The following EXOC6B variants were observed in gnomAD, a reference collection of about 807,000 sequenced individuals.
EXOC6B encodes SEC15 homolog B.
A neutral mutation model predicts 113.5 loss-of-function variants in EXOC6B; 54 were observed. The ratio of observed to expected loss-of-function variants is 0.48; its 90% CI spans 0.38 to 0.60. EXOC6B has a LOEUF of 0.60. EXOC6B is among the 20% of genes least tolerant of loss of function. EXOC6B has a pLI of 0.00. For synonymous variants in EXOC6B, 357 were observed against 339.0 expected (o/e 1.05, Z -0.58); for missense variants, 797 against 977.5 (o/e 0.82, Z 2.46).
intron 18 of EXOC6B, among the ~76,000 whole-genome samples, chr2:72,395,439 G>C (rs553186476): frequency 6.6e-6 from 1 of 152,186 alleles, no homozygotes; most frequent in Admixed American, 6.5e-5. Context: ...TTGAGCTAAA[G>C]TATCCTGTAG....
intron 17 of EXOC6B, among the ~76,000 whole-genome samples, chr2:72,479,765 T>C (rs1353296501): frequency 6.6e-6 from 1 of 152,190 alleles, no homozygotes; most frequent in Non-Finnish European, 1.5e-5. Context: ...CTACCATCAA[T>C]CCTTCTTTTG....
chr2:72,600,307 G>A (rs768736943), intron 6 of EXOC6B, among the ~76,000 whole-genome samples: 9 of 151,924 alleles, frequency 5.9e-5, no homozygotes, highest in Admixed American at 1.3e-4. Flanking sequence ...CCAGTGTGGT[G>A]GCATACACCT....
intron 20 of EXOC6B, among the ~76,000 whole-genome samples, chr2:72,312,894 A>ACATT (rs1384206090): frequency 6.6e-6 from 1 of 152,074 alleles, no homozygotes; most frequent in Admixed American, 6.6e-5. Flanking sequence ...CAAAGCAGAG[A>ACATT]CATTCCCAAG....
intron 6 of EXOC6B, among the ~76,000 whole-genome samples, chr2:72,624,605 G>A (rs953444471): frequency 6.6e-6 from 1 of 152,020 alleles, no homozygotes; most frequent in Non-Finnish European, 1.5e-5. Context: ...ATTTAGCCAG[G>A]CATAGTGGCA....
intron 8 of EXOC6B, among the ~76,000 whole-genome samples, chr2:72,536,538 T>C (rs890502694): frequency 6.6e-6 from 1 of 152,232 alleles, no homozygotes; most frequent in African/African-American, 2.4e-5. Flanking sequence ...ACAAATTAGA[T>C]GTACATATTT....
intron 21 of EXOC6B, chr2:72,182,881 A>ATT: frequency 8.1e-7 from 1 of 1,230,780 alleles, no homozygotes; most frequent in Non-Finnish European, 1.0e-6. Flanking sequence ...GCCCAAGTGA[A>ATT]TAATATACTT....
Position 72,820,972 on chromosome 2 carries a change from G to GA in EXOC6B, c.113+4825dup, listed in dbSNP as rs531169204. On this transcript the variant is annotated intron_variant, in intron 1 of 21. Transcript: ENST00000272427. ...ACATCAAAAGCATGAAACAAAATAA[G>GA]AAAAAAAATGATAACTGGAATTAAT... Among the ~76,000 whole-genome samples the GA allele has an allele frequency of 6.0e-5, 9 of 150,996 alleles. No individual in the cohort carries two copies. In the South Asian group the frequency reaches 8.4e-4, roughly 14 times the overall value.
At chr2:72,698,170 G>A (rs1678026436) in intron 6 of EXOC6B, among the ~76,000 whole-genome samples, 1 of 152,028 alleles carries the variant, frequency 6.6e-6, no homozygotes, top group Non-Finnish European at 1.5e-5. Flanking sequence ...GGAGAAAGAG[G>A]AATTAACTGA....
At chr2:72,739,536 A>G (rs1449053407) in intron 2 of EXOC6B, among the ~76,000 whole-genome samples, 1 of 151,916 alleles carries the variant, frequency 6.6e-6, no homozygotes, top group East Asian at 1.9e-4. Flanking sequence ...TTTCCTTTTA[A>G]TGTTGTTACA....
chr2:72,213,188 A>G (rs957713392), intron 20 of EXOC6B, among the ~76,000 whole-genome samples: 5 of 152,204 alleles, frequency 3.3e-5, no homozygotes, highest in Non-Finnish European at 7.3e-5. Flanking sequence ...CTGCCAAGGC[A>G]CCAGACTTGT....
intron 6 of EXOC6B, among the ~76,000 whole-genome samples, chr2:72,697,192 C>G (rs978915082): frequency 4.0e-5 from 6 of 151,376 alleles, no homozygotes; most frequent in African/African-American, 1.5e-4. Context: ...TGATGGCAGC[C>G]CATAATCAAA....
At chr2:72,699,827 G>A (rs1285125393) in intron 6 of EXOC6B, among the ~76,000 whole-genome samples, 1 of 152,150 alleles carries the variant, frequency 6.6e-6, no homozygotes, top group Non-Finnish European at 1.5e-5. Flanking sequence ...AGACCACCAT[G>A]GTTCAAGATA....
intron 6 of EXOC6B, among the ~76,000 whole-genome samples, chr2:72,666,607 T>A (rs1222691121): frequency 6.6e-6 from 1 of 152,144 alleles, no homozygotes; most frequent in Non-Finnish European, 1.5e-5. Flanking sequence ...ACTGACTATA[T>A]GATTATATAC....
intron 20 of EXOC6B, among the ~76,000 whole-genome samples, chr2:72,269,511 A>G (rs1400172897): frequency 2.6e-5 from 4 of 152,178 alleles, no homozygotes; most frequent in Non-Finnish European, 4.4e-5. Flanking sequence ...GTAAAACAAG[A>G]TAACAATTAA....
chr2:72,707,624 G>T (rs139087204), intron 6 of EXOC6B, among the ~76,000 whole-genome samples: 1 of 151,832 alleles, frequency 6.6e-6, no homozygotes, highest in Non-Finnish European at 1.5e-5. Flanking sequence ...ATCTTGGCCA[G>T]GATGGTCTTG....
intron 1 of EXOC6B, among the ~76,000 whole-genome samples, chr2:72,760,912 G>A (rs1381699176): frequency 6.6e-6 from 1 of 152,164 alleles, no homozygotes; most frequent in African/African-American, 2.4e-5. Context: ...AGGCAGGGGG[G>A]CTCATGCCTG....
intron 1 of EXOC6B, among the ~76,000 whole-genome samples, chr2:72,782,758 T>C (rs1345134034): frequency 6.6e-6 from 1 of 152,090 alleles, no homozygotes; most frequent in African/African-American, 2.4e-5. Context: ...TTCCCACATA[T>C]GAGTGACAAC....
chr2:72,390,512 T>A (rs1692311454), intron 18 of EXOC6B, among the ~76,000 whole-genome samples: 1 of 152,216 alleles, frequency 6.6e-6, no homozygotes, highest in African/African-American at 2.4e-5. Flanking sequence ...CTGTTGAATA[T>A]CAGTACTTTG....
intron 20 of EXOC6B, chr2:72,289,144 G>C (rs1685629027): frequency 8.4e-6 from 2 of 238,968 alleles, no homozygotes; most frequent in African/African-American, 2.3e-5. Flanking sequence ...CAAATAAAAT[G>C]GCTCATGGGC....
Sources: allele counts gnomAD v4.1 joint callset (sites outside exome capture counted in the v4.1 genomes callset), GRCh38; gene constraint gnomAD v4.1.1; transcripts MANE v1.5; gene names NCBI Gene and HGNC (gene_info 2026-07-23, HGNC 2026-07-21).